The following ANKMY1 variants were observed in gnomAD, a reference collection of about 807,000 sequenced individuals.
The protein encoded by ANKMY1 is ankyrin repeat and MYND domain containing 1, also known as ankyrin repeat and MYND domain-containing protein 1.
In ANKMY1, 98 loss-of-function variants were observed where a neutral mutation model predicts 102.0. The ratio of observed to expected loss-of-function variants is 0.96; its 90% CI spans 0.82 to 1.14. ANKMY1 has a LOEUF of 1.14. Ranked by LOEUF, ANKMY1 falls within the 50% of genes most tolerant of loss-of-function variation. The pLI is 0.00. For synonymous variants in ANKMY1, 582 were observed against 559.9 expected, an observed-to-expected ratio of 1.04 and a Z score of -0.56; for missense variants, 1,330 against 1,347.6, an observed-to-expected ratio of 0.99 and a Z score of 0.20.
At chr2:240,474,556 T>C (rs937305756), downstream of ANKMY1, among the ~76,000 whole-genome samples, 1 of 152,200 alleles carries the variant, frequency 6.6e-6, no homozygotes, top group Non-Finnish European at 1.5e-5. Flanking sequence ...TTTTCTAATC[T>C]CTCCAACCTC....
Position 240,526,355 on chromosome 2 carries a change from A to G in ANKMY1, c.1044T>C (p.Leu348=). The change falls in exon 6 of 18, where the codon CTT becomes CTC. Residue 348 remains leucine, a synonymous_variant. Coordinates refer to ENST00000401804, the MANE Select transcript of ANKMY1 (RefSeq NM_001282771.3). ...CAGCCTTTAGGATCATCTCCATGGA[A>G]AGTTGCTCTTTGGGCCCACAGGGTG... ...GFAPCGPKEQ[L]SMEMILKAEE... The G allele has an allele frequency of 6.2e-7, 1 of 1,614,188 alleles. No homozygotes were observed. Among genetic ancestry groups the G allele is most frequent in the East Asian group, 2.2e-5 (1 of 44,886 alleles).
At chr2:240,500,331 T>A (rs770808010) in intron 14 of ANKMY1, 121 bp downstream of exon 14, 23 of 1,223,842 alleles carry the variant, frequency 1.9e-5, no homozygotes, top group Non-Finnish European at 2.6e-5. Context: ...AAGGGGCTGC[T>A]CTGGGGGCGG....
chr2:240,509,298 G>C, intron 12 of ANKMY1, 50 bp downstream of exon 12: 1 of 1,478,010 alleles, frequency 6.8e-7, no homozygotes, highest in Non-Finnish European at 9.3e-7. Context: ...GTGGGCACTG[G>C]AGACGGAAAC....
chr2:240,501,040 G>T (rs1240608675), intron 13 of ANKMY1, among the ~76,000 whole-genome samples: 1 of 152,156 alleles, frequency 6.6e-6, no homozygotes, highest in Non-Finnish European at 1.5e-5. Context: ...CAGTGTGTGT[G>T]CATGCATGGG....
downstream of ANKMY1, among the ~76,000 whole-genome samples, chr2:240,478,013 G>T (rs78523098): frequency 7.9e-3 from 1,206 of 152,218 alleles, 17 homozygotes; most frequent in African/African-American, 0.028. Flanking sequence ...GGAGGTGATT[G>T]GATCCCGGGG....
rs779198525 is a variant in ANKMY1, at chr2:240,481,055, G to A, written c.2928C>T (p.Ile976=). Residue 976 remains isoleucine, a synonymous_variant, in exon 17 of 18, where the codon ATC becomes ATT. Transcript: ENST00000401804. Reference sequence around the variant, plus strand: ...GAGGGCAGGGCAAGAGGCGGACCCCGATGGAGCGGCCACACTGGTAGCAGA... The same window carrying A: ...GAGGGCAGGGCAAGAGGCGGACCCCAATGGAGCGGCCACACTGGTAGCAGA... ...FKFCYQCGRS[I]GVRLLPCPRC... is the part of the protein sequence containing the mutation. 8.7e-6 allele frequency: 14 copies of A among 1,613,182 alleles called. No homozygotes were observed. In the East Asian group the frequency reaches 1.6e-4, roughly 18 times the overall value.
chr2:240,520,067 C>T lies in ANKMY1; in HGVS notation c.2004+295G>A, dbSNP rs903279457. ...CTCCTGAATATAAGTCTCCCCTTTC[C>T]AAGGGGCCTTCAGGATGCGCTTCCC... On this transcript the variant is annotated intron_variant, in intron 9 of 17. Coordinates refer to ENST00000401804, the MANE Select transcript of ANKMY1 (RefSeq NM_001282771.3). This position sits in a 1 kb window ranked among gnomAD's most constrained non-coding sequence, Gnocchi z 4.8. The T allele has an allele frequency of 1.5e-5, 9 of 600,614 alleles. No homozygotes were observed. The highest frequency in any genetic ancestry group is 2.9e-5 in the Non-Finnish European group (9 of 310,556). The allele number at this position is 600,614 out of a possible 1,614,324, so 37.2% of individuals were successfully genotyped here. A position where few individuals can be genotyped will look rare whatever the true frequency, so the allele number is the denominator to read the frequency against.
chr2:240,502,271 C>T (rs559304621), intron 13 of ANKMY1, among the ~76,000 whole-genome samples: 2 of 151,760 alleles, frequency 1.3e-5, no homozygotes, highest in African/African-American at 2.4e-5. Flanking sequence ...GTGATGCAGC[C>T]ACCTACCCCA....
chr2:240,550,446 T>C lies in ANKMY1; in HGVS notation c.480+2468A>G, dbSNP rs557116262. ...AGTTAGTGGGTGCAGCATACCAGCA[T>C]GGCACATGTATACATATGTAACTAA... On this transcript the variant is annotated intron_variant, in intron 4 of 17. Transcript: ENST00000401804. Among the ~76,000 whole-genome samples the C allele has an allele frequency of 7.2e-5, 11 of 151,944 alleles. No individual in the cohort carries two copies. In the East Asian group the frequency reaches 2.1e-3, roughly 29 times the overall value.
rs2084603823 is a variant in ANKMY1, at chr2:240,529,052, T to C, written c.938A>G (p.Gln313Arg). The C allele has an allele frequency of 6.2e-7, 1 of 1,614,070 alleles. No homozygotes were observed. The highest frequency in any genetic ancestry group is 8.5e-7 in the Non-Finnish European group (1 of 1,179,968). The stretch of plus-strand genomic sequence containing the variant: ...GACTAGTCACCTGAACTTGTAAGTT[T>C]GCTTCTGGATTTTGACCAACAAAGG... ...ETPLLVKIQK[Q>R]TYKFRNKPAH... is the part of the protein sequence containing the mutation. Residue 313 changes from glutamine (Q) to arginine (R), a missense_variant, in exon 5 of 18, where the codon CAA becomes CGA. Transcript: ENST00000401804. The surrounding 1 kb of genome is among the most constrained non-coding windows in gnomAD (Gnocchi z 4.2).
upstream of ANKMY1, among the ~76,000 whole-genome samples, chr2:240,559,737 A>AT (rs1193791718): frequency 3.9e-5 from 6 of 152,362 alleles, no homozygotes; most frequent in Admixed American, 2.6e-4. Context: ...CTGCAGACAT[A>AT]TTTGAGTCTT....
chr2:240,501,905 G>T (rs1434544160), intron 13 of ANKMY1, among the ~76,000 whole-genome samples: 1 of 152,224 alleles, frequency 6.6e-6, no homozygotes, highest in African/African-American at 2.4e-5. Flanking sequence ...GAGCCAGCCA[G>T]ATCCACCCAT....
chr2:240,522,291 T>C (rs572125105), intron 8 of ANKMY1: 1 of 152,348 alleles, frequency 6.6e-6, no homozygotes, highest in Admixed American at 6.5e-5. Context: ...CTCTCAATAA[T>C]GCTCACCAAC....
At chr2:240,510,756 C>T (rs918262126) in intron 11 of ANKMY1, among the ~76,000 whole-genome samples, 20 of 150,486 alleles carry the variant, frequency 1.3e-4, no homozygotes, top group African/African-American at 3.2e-4. Flanking sequence ...GCAGCCGTCA[C>T]GCCTGCAGCA....
At chr2:240,543,193 C>CAAAAA (rs963525426) in intron 4 of ANKMY1, among the ~76,000 whole-genome samples, 1 of 147,052 alleles carries the variant, frequency 6.8e-6, no homozygotes, top group Admixed American at 6.8e-5. Flanking sequence ...ACTAAAAATG[C>CAAAAA]AAAAAAAAAA....
chr2:240,500,355 G>C (rs2077971591), intron 14 of ANKMY1, 97 bp downstream of exon 14: 1 of 1,351,946 alleles, frequency 7.4e-7, no homozygotes, highest in South Asian at 1.3e-5. Flanking sequence ...TAGGAACCTT[G>C]AGCCCAGCTT....
intron 8 of ANKMY1, chr2:240,523,491 G>A (rs577578392): frequency 1.6e-5 from 4 of 254,872 alleles, no homozygotes; most frequent in Non-Finnish European, 3.1e-5. Context: ...AGACAGGGTG[G>A]ACAGCAGGGG....
At chr2:240,554,582 G>A (rs1007214770) in intron 3 of ANKMY1, 13 of 377,424 alleles carry the variant, frequency 3.4e-5, no homozygotes, top group African/African-American at 8.0e-5. Flanking sequence ...TATACGAGTT[G>A]CTATGGCAAT....
At position 240,525,731 on chromosome 2, in the gene ANKMY1, T is replaced by C. The variant is rs1559326082; in HGVS notation, c.1289A>G (p.Gln430Arg). The C allele has an allele frequency of 2.5e-6, 4 of 1,614,098 alleles. No individual in the cohort carries two copies. The highest frequency in any genetic ancestry group is 3.4e-6 in the Non-Finnish European group (4 of 1,180,014). ...SMCFLLHYPA[Q>R]SFKPNVAERT... is the part of the protein sequence containing the mutation. ...TTCAGCAACATTGGGCTTGAAGGAC[T>C]GGGCGGGGTAGTGGAGGAGGAAACA... is the stretch of plus-strand genomic sequence containing the variant. Residue 430 changes from glutamine (Q) to arginine (R), a missense_variant, in exon 7 of 18, where the codon CAG becomes CGG. By Grantham distance (43) the Gln-to-Arg change is conservative (BLOSUM62 1). Coordinates refer to ENST00000401804, the MANE Select transcript of ANKMY1 (RefSeq NM_001282771.3).
Sources: allele counts gnomAD v4.1 joint callset (sites outside exome capture counted in the v4.1 genomes callset), GRCh38; gene constraint gnomAD v4.1.1; non-coding constraint Gnocchi (gnomAD v3.1); transcripts MANE v1.5; gene names NCBI Gene and HGNC (gene_info 2026-07-23, HGNC 2026-07-21).